The following DTNA variants were observed in gnomAD, a reference collection of about 807,000 sequenced individuals.
The protein encoded by DTNA is dystrobrevin alpha.
Under a neutral mutation model 100.7 loss-of-function variants are expected in DTNA, and 43 were observed. That is an observed-to-expected ratio of 0.43 (90% CI 0.33 to 0.55). The LOEUF is 0.55. Ranked by LOEUF, DTNA falls within the 20% of genes least tolerant of loss-of-function variation. The pLI is 0.04. For missense variants in DTNA, 798 were observed against 953.9 expected (o/e 0.84, Z 2.15); for synonymous variants, 349 against 347.9 (o/e 1.00, Z -0.04).
rs2096879522 is a variant in DTNA at position 34,882,207 on chromosome 18, G to A, written c.2295+6G>A. 6.2e-7 allele frequency: 1 copy of A among 1,613,514 alleles called. No individual in the cohort carries two copies. Among genetic ancestry groups the A allele is most frequent in the Non-Finnish European group, 8.5e-7 (1 of 1,179,826 alleles). On this transcript the variant is annotated splice_donor_region_variant and intron_variant, in intron 21 of 22. Coordinates refer to ENST00000444659, the MANE Select transcript of DTNA (RefSeq NM_001386795.1). ...TGCAAGATGAAGCTTATCAGGTACA[G>A]GGATCCAGGCCCACCCCACCCCACC...
intron 1 of DTNA, among the ~76,000 whole-genome samples, chr18:34,635,690 C>T (rs942135990): frequency 1.3e-5 from 2 of 152,046 alleles, no homozygotes; most frequent in African/African-American, 4.8e-5. Flanking sequence ...TTTTACTTAA[C>T]GATAACAAAA....
chr18:34,631,079 G>A lies in DTNA; in HGVS notation c.-1-124897G>A, dbSNP rs1484899489. On this transcript the variant is annotated intron_variant, in intron 1 of 19. Coordinates refer to the DTNA transcript ENST00000283365. ...GAAAATGATTTAAACAATAATACTA[G>A]CTAACATATATTGAGTGCTTATTAT... Among the ~76,000 whole-genome samples the A allele has an allele frequency of 5.3e-5, 8 of 152,250 alleles. No individual in the cohort carries two copies. The East Asian group carries it at 1.2e-3, about 22-fold the overall frequency.
At chr18:34,855,695 C>T (rs2096544087) in intron 15 of DTNA, among the ~76,000 whole-genome samples, 1 of 152,188 alleles carries the variant, frequency 6.6e-6, no homozygotes, top group African/African-American at 2.4e-5. Flanking sequence ...TCAACCCTGA[C>T]CAGAGTTTCC....
intron 1 of DTNA, among the ~76,000 whole-genome samples, chr18:34,586,967 T>G (rs1170701859): frequency 1.7e-5 from 2 of 115,840 alleles, no homozygotes; most frequent in Admixed American, 7.8e-5. Flanking sequence ...AAATCTTTAG[T>G]TTTTTTTTTT....
chr18:34,667,300 T>C (rs895921491), intron 1 of DTNA, among the ~76,000 whole-genome samples: 3 of 152,248 alleles, frequency 2.0e-5, no homozygotes, highest in African/African-American at 7.2e-5. Context: ...CTGAAGTTGC[T>C]TATCAGCTTA....
At chr18:34,792,090 G>GT (rs199767364) in intron 3 of DTNA, among the ~76,000 whole-genome samples, 141 of 35,804 alleles carry the variant, frequency 3.9e-3, no homozygotes, top group African/African-American at 9.2e-3. Context: ...TATGTAACCT[G>GT]TTGTTTTTTT....
At chr18:34,712,174 G>C (rs1048487737) in intron 1 of DTNA, among the ~76,000 whole-genome samples, 2 of 151,744 alleles carry the variant, frequency 1.3e-5, no homozygotes, top group African/African-American at 4.8e-5. Context: ...CACAGAGAGA[G>C]ACAAAAAAAT....
At chr18:34,774,717 A>G (rs548342956) in intron 3 of DTNA, among the ~76,000 whole-genome samples, 1 of 152,344 alleles carries the variant, frequency 6.6e-6, no homozygotes, top group African/African-American at 2.4e-5. Flanking sequence ...CATTTTCAAT[A>G]TATCACTCTC....
rs76786206 is a variant in DTNA at position 34,651,077 on chromosome 18, G to A, written c.-1-104899G>A. ...TTTCTAGACTTTACGTCTTCTTTTC[G>A]CAAACAGAATGCCCCATATTTTTGT... On this transcript the variant is annotated intron_variant, in intron 1 of 19. Coordinates refer to the DTNA transcript ENST00000283365. Among the ~76,000 whole-genome samples the A allele has an allele frequency of 4.8e-3, 725 of 152,070 alleles. 7 individuals carry two copies. The highest frequency in any genetic ancestry group is 0.016 in the African/African-American group (682 of 41,476).
At chr18:34,623,167 AT>A (rs2056802348) in intron 1 of DTNA, among the ~76,000 whole-genome samples, 1 of 152,220 alleles carries the variant, frequency 6.6e-6, no homozygotes. Context: ...GCATAACCTC[AT>A]AACCTTGCCA....
rs2047801898 is a variant in DTNA at position 34,573,554 on chromosome 18, G to T, written c.-2+80040G>T. Among the ~76,000 whole-genome samples the T allele has an allele frequency of 2.6e-5, 4 of 152,150 alleles. No homozygotes were observed. In the South Asian group the frequency reaches 8.3e-4, roughly 32 times the overall value. ...AGACTGGGTAAAGGACTGGATAAAG[G>T]GTAGGCTCTTTTTTATTCTTCTAAT... On this transcript the variant is annotated intron_variant, in intron 1 of 19. Coordinates refer to the DTNA transcript ENST00000283365.
intron 1 of DTNA, among the ~76,000 whole-genome samples, chr18:34,744,683 G>T (rs955511515): frequency 2.0e-5 from 3 of 152,036 alleles, no homozygotes; most frequent in African/African-American, 4.8e-5. Context: ...CGGCTCACAG[G>T]TCTCTTTCCT....
chr18:34,705,421 G>A (rs535498085), upstream of DTNA, among the ~76,000 whole-genome samples: 1 of 152,316 alleles, frequency 6.6e-6, no homozygotes, highest in East Asian at 1.9e-4. Flanking sequence ...GGAACTGAGA[G>A]GGAAGCCCTC....
chr18:34,841,318 C>T (rs577244155), intron 13 of DTNA, among the ~76,000 whole-genome samples: 2 of 152,266 alleles, frequency 1.3e-5, no homozygotes, highest in South Asian at 4.1e-4. Context: ...ACTGCATCCT[C>T]CACGTATTTA....
intron 1 of DTNA, among the ~76,000 whole-genome samples, chr18:34,716,371 G>A (rs983719718): frequency 6.6e-6 from 1 of 152,120 alleles, no homozygotes; most frequent in African/African-American, 2.4e-5. Context: ...AGACCAGCCT[G>A]GCCAACGTAG....
intron 1 of DTNA, among the ~76,000 whole-genome samples, chr18:34,678,144 G>T (rs903454164): frequency 6.6e-6 from 1 of 152,094 alleles, no homozygotes; most frequent in Non-Finnish European, 1.5e-5. Context: ...CTCCTATTGG[G>T]CCCCTCCTGT....
At chr18:34,858,596 A>G (rs1247436628) in intron 16 of DTNA, among the ~76,000 whole-genome samples, 198 bp downstream of exon 16, 5 of 152,178 alleles carry the variant, frequency 3.3e-5, no homozygotes, top group African/African-American at 7.2e-5. Context: ...CATTTGGTAC[A>G]GGGAAAAGCA....
chr18:34,527,271 G>T (rs1340430823), intron 1 of DTNA, among the ~76,000 whole-genome samples: 2 of 152,074 alleles, frequency 1.3e-5, no homozygotes, highest in South Asian at 4.2e-4. Context: ...AGGTAATTTA[G>T]TCAAATCCTT....
At chr18:34,829,341 G>A in intron 10 of DTNA, 59 bp from the exon 11 acceptor site, 1 of 1,530,682 alleles carries the variant, frequency 6.5e-7, no homozygotes, top group Non-Finnish European at 8.7e-7. Context: ...TCCTCTCTGA[G>A]TGGGCCTTGC....
Sources: allele counts gnomAD v4.1 joint callset (sites outside exome capture counted in the v4.1 genomes callset), GRCh38; gene constraint gnomAD v4.1.1; transcripts MANE v1.5; gene names NCBI Gene and HGNC (gene_info 2026-07-23, HGNC 2026-07-21).